Variants in KCNT1 observed in about 807,000 individuals in gnomAD.
KCNT1 encodes the protein potassium sodium-activated channel subfamily T member 1.
In KCNT1, 78 loss-of-function variants were observed where a neutral mutation model predicts 147.8. The ratio of observed to expected loss-of-function variants is 0.53; its 90% confidence interval spans 0.44 to 0.64. The LOEUF (loss-of-function observed/expected upper bound fraction) is 0.64. KCNT1 is among the 30% of genes least tolerant of loss of function. The probability of loss-of-function intolerance (pLI) is 0.00; values close to 1 mark genes in which losing one functional copy is unlikely to be tolerated. For synonymous variants in KCNT1, 867 were observed against 748.8 expected, an observed-to-expected ratio of 1.16 and a Z score of -2.58; for missense variants, 1,419 against 1,750.3, an observed-to-expected ratio of 0.81 and a Z score of 3.38.
intron 2 of KCNT1, among the ~76,000 whole-genome samples, chr9:135,725,749 G>C (rs1836110147): frequency 1.3e-5 from 2 of 152,232 alleles, no homozygotes; most frequent in African/African-American, 4.8e-5. Context: ...CTGGGTTTGG[G>C]ACCCTCAGCC....
At position 135,795,293 on chromosome 9, in the gene KCNT1, A is replaced by AG. The variant is rs1834738594; in HGVS notation, c.*3132_*3133insG. The AG allele has an allele frequency of 6.8e-6, 1 of 148,038 alleles. No homozygotes were observed. Among genetic ancestry groups the AG allele is most frequent in the African/African-American group, 2.5e-5 (1 of 40,404 alleles). The allele number at this position is 148,038 out of a possible 1,614,324, so 9.2% of individuals were successfully genotyped here. On this transcript the variant is annotated 3_prime_UTR_variant, in exon 31 of 31. Coordinates refer to ENST00000371757, the MANE Select transcript of KCNT1 (RefSeq NM_020822.3). ...ACTGTATCAAAAAGTACAAAAAAAAAAATAGCTAGACGTGGTGGCATGTGC... is the reference window on the plus strand; with the variant it reads ...ACTGTATCAAAAAGTACAAAAAAAAAGAATAGCTAGACGTGGTGGCATGTGC...
intron 2 of KCNT1, among the ~76,000 whole-genome samples, chr9:135,740,641 G>C (rs1172666406): frequency 6.6e-6 from 1 of 152,250 alleles, no homozygotes; most frequent in African/African-American, 2.4e-5. Flanking sequence ...CCCTAAGCAG[G>C]GCTGAGACCC....
intron 29 of KCNT1, among the ~76,000 whole-genome samples, chr9:135,788,687 T>A (rs1441149943): frequency 2.0e-5 from 3 of 152,112 alleles, no homozygotes; most frequent in African/African-American, 4.8e-5. Flanking sequence ...AGGCAGGCTT[T>A]ATGGCTGCCC....
chr9:135,752,999 T>G lies in KCNT1; in HGVS notation c.435-938T>G, dbSNP rs1831272768. ...ATGAGCAGATGGTTGGAGGGATGAGTGGATGGATGGATGGAGGGATGGATG... is the reference window on the plus strand; with the variant it reads ...ATGAGCAGATGGTTGGAGGGATGAGGGGATGGATGGATGGAGGGATGGATG... On this transcript the variant is annotated intron_variant, in intron 4 of 30. Transcript: ENST00000371757. This position sits in a 1 kb window ranked among gnomAD's most constrained non-coding sequence, Gnocchi z 5.1. Among the ~76,000 whole-genome samples, 1 of 139,792 alleles carries G rather than the reference T, an allele frequency of 7.2e-6. No homozygotes were observed. 91.7% of individuals were successfully genotyped at this position (139,792 alleles called of 152,430 possible).
At chr9:135,775,112 G>A (rs1833071109) in intron 19 of KCNT1, among the ~76,000 whole-genome samples, 198 bp from the exon 20 acceptor site, 1 of 152,218 alleles carries the variant, frequency 6.6e-6, no homozygotes, top group Non-Finnish European at 1.5e-5. Context: ...GTGACCACAG[G>A]CTCAGCTGGA....
At chr9:135,768,037 C>T (rs1460083170) in intron 13 of KCNT1, among the ~76,000 whole-genome samples, 4 of 145,456 alleles carry the variant, frequency 2.7e-5, no homozygotes, top group Non-Finnish European at 6.2e-5. Flanking sequence ...CCGCTGTCAG[C>T]CTGCACACGC....
chr9:135,768,386 ACT>A, intron 13 of KCNT1: 1 of 182,580 alleles, frequency 5.5e-6, no homozygotes, highest in Non-Finnish European at 9.4e-6. Context: ...CTGAGGGGGC[ACT>A]GTGACTCCTG....
chr9:135,781,061 G>A (rs545322327), intron 24 of KCNT1, among the ~76,000 whole-genome samples: 8 of 152,214 alleles, frequency 5.3e-5, no homozygotes, highest in East Asian at 1.9e-4. Flanking sequence ...CCGCCCCGCC[G>A]TGGGGCCCAT....
chr9:135,708,399 A>G lies in KCNT1; in HGVS notation c.110+6031A>G, dbSNP rs115781273. On this transcript the variant is annotated intron_variant, in intron 1 of 30. Coordinates refer to ENST00000371757, the MANE Select transcript of KCNT1 (RefSeq NM_020822.3). Reference sequence around the variant, plus strand: ...CACACACATCAGCATGCATGTGCGTATTTACGTGCTTACATGTGCTCATCT... The same window carrying G: ...CACACACATCAGCATGCATGTGCGTGTTTACGTGCTTACATGTGCTCATCT... Among the ~76,000 whole-genome samples, 997 of 152,330 alleles carry G rather than the reference A, an allele frequency of 6.5e-3. 6 individuals carry two copies. The highest frequency in any genetic ancestry group is 0.023 in the African/African-American group (956 of 41,572).
intron 9 of KCNT1, among the ~76,000 whole-genome samples, chr9:135,757,933 C>T (rs1831603409): frequency 6.6e-6 from 1 of 152,240 alleles, no homozygotes; most frequent in Non-Finnish European, 1.5e-5. Flanking sequence ...ATGCTGGGTC[C>T]AAGCCTTGCA....
At chr9:135,764,444 A>AG in intron 11 of KCNT1, among the ~76,000 whole-genome samples, 1 of 152,114 alleles carries the variant, frequency 6.6e-6, no homozygotes, top group East Asian at 1.9e-4. Context: ...TGGGTGACAG[A>AG]GTGAGCCTCC....
chr9:135,727,363 C>T (rs1049666358), intron 2 of KCNT1, among the ~76,000 whole-genome samples: 5 of 137,264 alleles, frequency 3.6e-5, no homozygotes, highest in Admixed American at 2.9e-4. Context: ...CCCATTCTCT[C>T]TCTCTCTCCC....
rs768345388 is a variant in KCNT1 at position 135,730,082 on chromosome 9, A to C, written c.254+15362A>C. Among the ~76,000 whole-genome samples, 6 of 152,018 alleles carry C rather than the reference A, an allele frequency of 3.9e-5. No individual in the cohort carries two copies. Among genetic ancestry groups the C allele is most frequent in the Non-Finnish European group, 8.8e-5 (6 of 67,998 alleles). On this transcript the variant is annotated intron_variant, in intron 2 of 30. Transcript: ENST00000371757. The surrounding 1 kb of genome is among the most constrained non-coding windows in gnomAD (Gnocchi z 4.7). ...CCACATTCTCCTCTGCACTGTGCTG[A>C]TCCTTCATCCATGGGAGCTGTGCAC...
chr9:135,747,720 G>T (rs1830913669), intron 2 of KCNT1, among the ~76,000 whole-genome samples: 1 of 152,104 alleles, frequency 6.6e-6, no homozygotes. Flanking sequence ...GCATGATGGG[G>T]CACTCTGGGG....
At position 135,752,309 on chromosome 9, in the gene KCNT1, C is replaced by T; in HGVS notation, c.434+1268C>T. The stretch of plus-strand genomic sequence containing the variant: ...CCCCTTTTCACCTGTTACCCCGTCA[C>T]AAGGGGGCCTGGCATCCCCAGGCCA... On this transcript the variant is annotated intron_variant, in intron 4 of 30. Coordinates refer to ENST00000371757, the MANE Select transcript of KCNT1 (RefSeq NM_020822.3). This position sits in a 1 kb window ranked among gnomAD's most constrained non-coding sequence, Gnocchi z 5.1. 4.4e-6 allele frequency: 2 copies of T among 454,320 alleles called. No individual in the cohort carries two copies. The highest frequency in any genetic ancestry group is 3.3e-4 in the Middle Eastern group (1 of 3,054). The allele number at this position is 454,320 out of a possible 1,614,324, so 28.1% of individuals were successfully genotyped here.
intron 25 of KCNT1, 39 bp from the exon 26 acceptor site, chr9:135,784,496 T>TG (rs1833867120): frequency 6.4e-6 from 1 of 155,888 alleles, no homozygotes; most frequent in East Asian, 1.2e-4. Context: ...CCTCCCTCCC[T>TG]CCCTCCCTCC....
At chr9:135,719,598 C>T (rs2131338681) in intron 2 of KCNT1, among the ~76,000 whole-genome samples, 1 of 152,318 alleles carries the variant, frequency 6.6e-6, no homozygotes, top group Non-Finnish European at 1.5e-5. Context: ...CCACTGAAGC[C>T]ACCACTGGAG....
Position 135,767,988 on chromosome 9 carries a change from A to G in KCNT1, c.1338-622A>G, listed in dbSNP as rs144876733. Among the ~76,000 whole-genome samples the G allele has an allele frequency of 2.5e-4, 37 of 147,896 alleles. 1 individual carries two copies. In the East Asian group the frequency reaches 6.1e-3, roughly 24 times the overall value. Reference sequence around the variant, plus strand: ...CCCCACCCGCTGTCAGCCTGCACACACTCGGGGGACAGGTGTGGCTCCTGA... The same window carrying G: ...CCCCACCCGCTGTCAGCCTGCACACGCTCGGGGGACAGGTGTGGCTCCTGA... On this transcript the variant is annotated intron_variant, in intron 13 of 30. Coordinates refer to ENST00000371757, the MANE Select transcript of KCNT1 (RefSeq NM_020822.3).
chr9:135,726,318 G>C lies in KCNT1; in HGVS notation c.254+11598G>C, dbSNP rs530751680. ...CTGCAGGGCCCTCTGGGGCCTCCCTGGGTCTCGGATCCCTTCCAGGGACCT... is the reference window on the plus strand; with the variant it reads ...CTGCAGGGCCCTCTGGGGCCTCCCTCGGTCTCGGATCCCTTCCAGGGACCT... On this transcript the variant is annotated intron_variant, in intron 2 of 30. Coordinates refer to ENST00000371757, the MANE Select transcript of KCNT1 (RefSeq NM_020822.3). Among the ~76,000 whole-genome samples the C allele has an allele frequency of 5.0e-3, 762 of 152,190 alleles. 1 individual carries two copies. The highest frequency in any genetic ancestry group is 0.017 in the African/African-American group (713 of 41,532).
Sources: allele counts gnomAD v4.1 joint callset (sites outside exome capture counted in the v4.1 genomes callset), GRCh38; gene constraint gnomAD v4.1.1; non-coding constraint Gnocchi (gnomAD v3.1); transcripts MANE v1.5; gene names NCBI Gene and HGNC (gene_info 2026-07-23, HGNC 2026-07-21).